RARB: variants seen among roughly 807,000 people sequenced by gnomAD.
RARB encodes the protein HBV-activated protein.
RARB carries 17 observed loss-of-function variants against 51.9 expected under a neutral mutation model. The observed-to-expected ratio is 0.33, with a 90% CI of 0.22 to 0.49. The LOEUF (loss-of-function observed/expected upper bound fraction) is 0.49. RARB is among the 20% of genes least tolerant of loss of function. RARB has a pLI of 0.99. For synonymous variants in RARB, 215 were observed against 195.4 expected (o/e 1.10, Z -0.84); for missense variants, 369 against 550.8 (o/e 0.67, Z 3.30).
intron 2 of RARB, among the ~76,000 whole-genome samples, chr3:25,058,060 T>C (rs1477158189): frequency 6.6e-6 from 1 of 151,972 alleles, no homozygotes; most frequent in Non-Finnish European, 1.5e-5. Flanking sequence ...AAAAATTGAC[T>C]TTAGAGCATA....
intron 3 of RARB, among the ~76,000 whole-genome samples, chr3:25,103,313 G>A (rs1225834900): frequency 5.9e-5 from 9 of 152,162 alleles, no homozygotes; most frequent in Non-Finnish European, 7.3e-5. Flanking sequence ...CAGGTGATAT[G>A]CACCGTTGTA....
chr3:25,427,424 C>A (rs182335018), upstream of RARB, among the ~76,000 whole-genome samples: 9 of 152,334 alleles, frequency 5.9e-5, no homozygotes, highest in African/African-American at 2.2e-4. Flanking sequence ...TATCCCAGAA[C>A]ACACAGCTGG....
intron 2 of RARB, among the ~76,000 whole-genome samples, chr3:25,048,839 TC>T (rs1199977101): frequency 7.1e-6 from 1 of 140,286 alleles, no homozygotes; most frequent in Non-Finnish European, 1.5e-5. Context: ...CACTGCAAGC[TC>T]CGCCTCCCGG....
At chr3:25,103,187 G>A (rs1305623677) in intron 3 of RARB, among the ~76,000 whole-genome samples, 1 of 152,084 alleles carries the variant, frequency 6.6e-6, no homozygotes, top group African/African-American at 2.4e-5. Context: ...GCTTTCTTTG[G>A]GTGGGAGAAG....
intron 2 of RARB, among the ~76,000 whole-genome samples, chr3:24,962,241 T>C (rs939442598): frequency 6.6e-6 from 1 of 152,006 alleles, no homozygotes; most frequent in Non-Finnish European, 1.5e-5. Context: ...TTTGGGTGTC[T>C]TTTAAAGAAT....
intron 2 of RARB, among the ~76,000 whole-genome samples, chr3:24,890,083 A>C (rs145002749): frequency 2.3e-4 from 35 of 152,324 alleles, no homozygotes; most frequent in African/African-American, 8.2e-4. Context: ...GAATTAGGGT[A>C]GCCTAAGTGT....
chr3:25,382,364 G>C (rs975977667), intron 5 of RARB, among the ~76,000 whole-genome samples: 11 of 151,922 alleles, frequency 7.2e-5, no homozygotes, highest in African/African-American at 2.2e-4. Flanking sequence ...ATACTCTTTA[G>C]GGCAAATCAC....
intron 3 of RARB, among the ~76,000 whole-genome samples, chr3:25,537,796 C>T (rs982122630): frequency 5.1e-4 from 78 of 152,194 alleles, no homozygotes; most frequent in Non-Finnish European, 1.8e-4. Flanking sequence ...AAGACTCTTG[C>T]TCTTCTTTAC....
chr3:24,919,630 T>C (rs547777176), intron 2 of RARB, among the ~76,000 whole-genome samples: 10 of 152,252 alleles, frequency 6.6e-5, no homozygotes, highest in Non-Finnish European at 1.2e-4. Flanking sequence ...TAGTGAATTG[T>C]TCTTTGCTCA....
chr3:24,839,730 GT>G (rs551306071), intron 1 of RARB, among the ~76,000 whole-genome samples: 7,050 of 44,560 alleles, frequency 0.16, 5 homozygotes, highest in Non-Finnish European at 0.19. Flanking sequence ...GGGGGGGGGG[GT>G]GGGGGAAGAA....
At chr3:25,351,892 C>T (rs1054263267) in intron 5 of RARB, among the ~76,000 whole-genome samples, 2 of 152,298 alleles carry the variant, frequency 1.3e-5, no homozygotes, top group African/African-American at 4.8e-5. Context: ...TTATGCTAAC[C>T]TTAACCAAGT....
chr3:25,323,913 A>G (rs1469815976), intron 5 of RARB, among the ~76,000 whole-genome samples: 1 of 152,222 alleles, frequency 6.6e-6, no homozygotes, highest in South Asian at 2.1e-4. Context: ...TAGTACCTCA[A>G]TATTAAATGA....
intron 3 of RARB, among the ~76,000 whole-genome samples, chr3:25,536,122 T>C (rs1000741933): frequency 2.6e-5 from 4 of 152,148 alleles, no homozygotes; most frequent in East Asian, 1.9e-4. Flanking sequence ...GCTATTAATA[T>C]CTCACCATTC....
rs901196133 is a variant in RARB at position 25,254,706 on chromosome 3, G to A, written c.178+80131G>A. On this transcript the variant is annotated intron_variant, in intron 5 of 11. Coordinates refer to the RARB transcript ENST00000383772. The stretch of plus-strand genomic sequence containing the variant: ...GAGAGGGAGGGTGCTGGATGACTTG[G>A]TCGGTCAGAGACTGTATCACAAAAA... 2.0e-5 allele frequency among the ~76,000 whole-genome samples: 3 copies of A among 152,120 alleles called. No individual in the cohort carries two copies. The South Asian group carries it at 6.2e-4, about 32-fold the overall frequency.
At chr3:25,290,708 C>G (rs1460593176) in intron 5 of RARB, among the ~76,000 whole-genome samples, 3 of 152,148 alleles carry the variant, frequency 2.0e-5, no homozygotes, top group African/African-American at 7.2e-5. Context: ...TGACTTTGCT[C>G]TATTGGTTGA....
chr3:24,894,621 A>G (rs1037479366), intron 2 of RARB, among the ~76,000 whole-genome samples: 2 of 152,172 alleles, frequency 1.3e-5, no homozygotes, highest in East Asian at 3.8e-4. Context: ...TCTTTTGAAT[A>G]TATACTCAGG....
intron 5 of RARB, among the ~76,000 whole-genome samples, chr3:25,403,399 C>T (rs1370844709): frequency 6.6e-6 from 1 of 151,786 alleles, no homozygotes; most frequent in Non-Finnish European, 1.5e-5. Context: ...ACTGTGTACC[C>T]ACAAAAATTA....
intron 2 of RARB, among the ~76,000 whole-genome samples, chr3:24,897,575 AT>A (rs1431004927): frequency 1.3e-5 from 2 of 152,332 alleles, no homozygotes; most frequent in Non-Finnish European, 2.9e-5. Flanking sequence ...TTGAAGCTAT[AT>A]TTAGTTAAAA....
chr3:24,924,153 A>C (rs934681025), intron 2 of RARB, among the ~76,000 whole-genome samples: 1 of 151,930 alleles, frequency 6.6e-6, no homozygotes, highest in Admixed American at 6.6e-5. Context: ...TTTTTGTAGG[A>C]GTTTGGAATC....
Sources: gnomAD v4.1 joint callset for allele counts (sites outside exome capture counted in the v4.1 genomes callset) on GRCh38, gnomAD v4.1.1 for gene constraint, MANE v1.5 for transcripts, NCBI Gene and HGNC (gene_info 2026-07-23, HGNC 2026-07-21) for gene names.